The following TTC27 variants were observed in gnomAD, a reference collection of about 807,000 sequenced individuals.
TTC27 encodes the protein tetratricopeptide repeat protein 27.
A neutral mutation model predicts 115.9 loss-of-function variants in TTC27; 79 were observed. The observed-to-expected ratio is 0.68, with a 90% CI of 0.57 to 0.82. The LOEUF (loss-of-function observed/expected upper bound fraction) is 0.82. TTC27 is among the 40% of genes least tolerant of loss of function. The pLI is 0.00. For synonymous variants in TTC27, 401 were observed against 356.0 expected, an observed-to-expected ratio of 1.13 and a Z score of -1.42; for missense variants, 1,054 against 993.1, an observed-to-expected ratio of 1.06 and a Z score of -0.82.
intron 12 of TTC27, among the ~76,000 whole-genome samples, chr2:32,743,884 T>C (rs1285992165): frequency 6.6e-6 from 1 of 152,220 alleles, no homozygotes; most frequent in East Asian, 1.9e-4. Flanking sequence ...AGTTCTCCTG[T>C]CGTTCCCAAA....
At position 32,640,222 on chromosome 2, in the gene TTC27, T is replaced by A. The variant is rs1664587550; in HGVS notation, c.397-48T>A. On this transcript the variant is annotated intron_variant, in intron 3 of 19. Transcript: ENST00000317907. ...GTATTATTACAAGACATATAAAGATTAATATTTTGTTAAATTATATCATCT... is the reference window on the plus strand; with the variant it reads ...GTATTATTACAAGACATATAAAGATAAATATTTTGTTAAATTATATCATCT... The A allele has an allele frequency of 2.0e-6, 3 of 1,522,258 alleles. No individual in the cohort carries two copies. In the East Asian group the frequency reaches 7.3e-5, roughly 37 times the overall value. The allele number at this position is 1,522,258 out of a possible 1,614,324, so 94.3% of individuals were successfully genotyped here. A position where few individuals can be genotyped will look rare whatever the true frequency, so the allele number is the denominator to read the frequency against.
At position 32,632,366 on chromosome 2, in the gene TTC27, C is replaced by T. The variant is rs534478305; in HGVS notation, c.267-1510C>T. On this transcript the variant is annotated intron_variant, in intron 2 of 19. Coordinates refer to ENST00000317907, the MANE Select transcript of TTC27 (RefSeq NM_017735.5). The stretch of plus-strand genomic sequence containing the variant: ...CTCATAGCAACTAGCCTTGTGGCAC[C>T]CATTAAAACAACACATTCACACAAA... Among the ~76,000 whole-genome samples, 14 of 152,028 alleles carry T rather than the reference C, an allele frequency of 9.2e-5. No individual in the cohort carries two copies. In the South Asian group the frequency reaches 2.9e-3, roughly 32 times the overall value.
intron 10 of TTC27, among the ~76,000 whole-genome samples, chr2:32,708,187 C>A (rs1025958677): frequency 6.6e-6 from 1 of 151,916 alleles, no homozygotes; most frequent in African/African-American, 2.4e-5. Flanking sequence ...TCCTCCTCAG[C>A]CTACTCGATG....
intron 10 of TTC27, among the ~76,000 whole-genome samples, chr2:32,714,650 C>A (rs1207458903): frequency 1.3e-5 from 2 of 152,092 alleles, no homozygotes; most frequent in Non-Finnish European, 2.9e-5. Context: ...GTTTTAAGTT[C>A]TTTGAGAAAT....
chr2:32,758,900 G>A (rs6710617), intron 13 of TTC27, among the ~76,000 whole-genome samples: 26,890 of 152,002 alleles, frequency 0.18, 2,677 homozygotes, highest in South Asian at 0.35. Context: ...AGTAATGAAA[G>A]AAAAACCTTT....
intron 12 of TTC27, among the ~76,000 whole-genome samples, chr2:32,752,247 A>G (rs1040412145): frequency 1.2e-4 from 18 of 152,206 alleles, no homozygotes; most frequent in African/African-American, 3.6e-4. Flanking sequence ...TGGTTCTCCC[A>G]TTTAAAATGT....
At chr2:32,712,015 A>T (rs1434055248) in intron 10 of TTC27, among the ~76,000 whole-genome samples, 1 of 152,132 alleles carries the variant, frequency 6.6e-6, no homozygotes, top group Non-Finnish European at 1.5e-5. Context: ...TTGTTCTATT[A>T]TGTGTTGAGG....
rs561993852 is a variant in TTC27 at position 32,634,809 on chromosome 2, A to C, written c.396+804A>C. ...GTAGCTGGGATTACAGGCGTGTGCT[A>C]CCACACTTGGCTAATTTTTGTATTT... is the stretch of plus-strand genomic sequence containing the variant. On this transcript the variant is annotated intron_variant, in intron 3 of 19. Coordinates refer to ENST00000317907, the MANE Select transcript of TTC27 (RefSeq NM_017735.5). 1.9e-4 allele frequency among the ~76,000 whole-genome samples: 29 copies of C among 151,546 alleles called. No individual in the cohort carries two copies. The South Asian group carries it at 3.4e-3, about 18-fold the overall frequency.
intron 10 of TTC27, among the ~76,000 whole-genome samples, chr2:32,721,908 G>A (rs994614663): frequency 6.6e-6 from 1 of 152,156 alleles, no homozygotes; most frequent in Non-Finnish European, 1.5e-5. Flanking sequence ...ATAAGTCACC[G>A]TGCCTAGCAG....
chr2:32,727,763 G>T (rs1005281133), intron 10 of TTC27, among the ~76,000 whole-genome samples: 3 of 152,024 alleles, frequency 2.0e-5, no homozygotes, highest in African/African-American at 7.2e-5. Flanking sequence ...TTTGGAAAAG[G>T]TAGTTGTTTT....
At chr2:32,650,800 A>G (rs1665091682) in intron 5 of TTC27, among the ~76,000 whole-genome samples, 1 of 152,232 alleles carries the variant, frequency 6.6e-6, no homozygotes, top group African/African-American at 2.4e-5. Flanking sequence ...AACATATAAT[A>G]TACATGCAGA....
chr2:32,743,708 A>G (rs990061768), intron 12 of TTC27, among the ~76,000 whole-genome samples: 2 of 152,134 alleles, frequency 1.3e-5, no homozygotes, highest in African/African-American at 4.8e-5. Flanking sequence ...TAGTCCTAAG[A>G]AGAGTTGCTT....
chr2:32,755,910 A>G (rs957334954), intron 12 of TTC27, among the ~76,000 whole-genome samples: 1 of 152,198 alleles, frequency 6.6e-6, no homozygotes, highest in African/African-American at 2.4e-5. Context: ...CTCAATATGC[A>G]AAGCCGTGCA....
At chr2:32,786,943 A>G (rs956773468) in intron 15 of TTC27, 41 bp from the exon 16 acceptor site, 3 of 1,522,424 alleles carry the variant, frequency 2.0e-6, no homozygotes, top group Non-Finnish European at 2.7e-6. Context: ...TAATAAAAAA[A>G]GAGTTCATTA....
intron 10 of TTC27, among the ~76,000 whole-genome samples, chr2:32,730,018 A>G (rs538296781): frequency 4.6e-4 from 70 of 152,268 alleles, no homozygotes; most frequent in African/African-American, 1.5e-3. Flanking sequence ...AGGTACTTCT[A>G]TCTCATGGAG....
chr2:32,807,699 G>A lies in TTC27; in HGVS notation c.1999-3325G>A, dbSNP rs886601233. Among the ~76,000 whole-genome samples, 38 of 151,970 alleles carry A rather than the reference G, an allele frequency of 2.5e-4. No individual in the cohort carries two copies. In the East Asian group the frequency reaches 6.0e-3, roughly 24 times the overall value. On this transcript the variant is annotated intron_variant, in intron 16 of 19. Coordinates refer to ENST00000317907, the MANE Select transcript of TTC27 (RefSeq NM_017735.5). Reference sequence around the variant, plus strand: ...TTTTATGTTTTTTCTTTCTTTTTAAGCCTCTTGTCTGAAATCATGATCTCT... The same window carrying A: ...TTTTATGTTTTTTCTTTCTTTTTAAACCTCTTGTCTGAAATCATGATCTCT...
chr2:32,694,347 T>C (rs959336518), intron 9 of TTC27, among the ~76,000 whole-genome samples: 4 of 152,164 alleles, frequency 2.6e-5, no homozygotes, highest in Non-Finnish European at 5.9e-5. Context: ...ATAACCCAGC[T>C]TTTGGGAAAA....
chr2:32,794,685 C>A (rs1403791876), intron 16 of TTC27, among the ~76,000 whole-genome samples: 1 of 151,566 alleles, frequency 6.6e-6, no homozygotes, highest in Non-Finnish European at 1.5e-5. Context: ...AATGGACAAA[C>A]CTTTAGATAG....
intron 2 of TTC27, among the ~76,000 whole-genome samples, chr2:32,632,161 TC>T (rs373189902): frequency 2.0e-5 from 3 of 150,494 alleles, no homozygotes; most frequent in Non-Finnish European, 4.4e-5. Context: ...TTGGTATCAT[TC>T]TTTTTTTTTT....
Sources: allele counts gnomAD v4.1 joint callset (sites outside exome capture counted in the v4.1 genomes callset), GRCh38; gene constraint gnomAD v4.1.1; transcripts MANE v1.5; gene names NCBI Gene and HGNC (gene_info 2026-07-23, HGNC 2026-07-21).